NCAM2: variants seen among roughly 807,000 people sequenced by gnomAD.
NCAM2 encodes the protein neural cell adhesion molecule 2, also known as N-CAM-2.
In NCAM2, 30 loss-of-function variants were observed where a neutral mutation model predicts 98.1. The ratio of observed to expected loss-of-function variants is 0.31; its 90% CI spans 0.23 to 0.41. The LOEUF (loss-of-function observed/expected upper bound fraction) is 0.41, where lower values mean the gene tolerates loss of function less well. NCAM2 is among the 10% of genes least tolerant of loss of function. The pLI, the probability that NCAM2 is intolerant of heterozygous loss-of-function variation, is 1.00. For missense variants in NCAM2, 867 were observed against 1,005.8 expected (o/e 0.86, Z 1.87); for synonymous variants, 368 against 342.4 (o/e 1.07, Z -0.83).
chr21:21,403,618 T>C (rs767705957), intron 9 of NCAM2, among the ~76,000 whole-genome samples: 1 of 152,184 alleles, frequency 6.6e-6, no homozygotes, highest in African/African-American at 2.4e-5. Context: ...TTTTGAATTA[T>C]TAGTGTACAA....
intron 5 of NCAM2, among the ~76,000 whole-genome samples, chr21:21,303,030 C>T (rs1382457288): frequency 6.6e-6 from 1 of 151,922 alleles, no homozygotes; most frequent in Non-Finnish European, 1.5e-5. Context: ...TTTTCACTTG[C>T]AAGTAAGGGC....
intron 1 of NCAM2, among the ~76,000 whole-genome samples, chr21:21,106,324 A>AAAAAAAAAAAAAAAAAAAAAAAAAAC (rs1569029091): frequency 6.6e-6 from 1 of 150,942 alleles, no homozygotes; most frequent in African/African-American, 2.4e-5. Flanking sequence ...CAAAAAAAAA[A>AAAAAAAAAAAAAAAAAAAAAAAAAAC]AAAAAGGAAC....
intron 5 of NCAM2, among the ~76,000 whole-genome samples, chr21:21,312,158 A>G (rs2074074792): frequency 6.6e-6 from 1 of 152,076 alleles, no homozygotes; most frequent in Non-Finnish European, 1.5e-5. Flanking sequence ...GTTTTTCATC[A>G]TGATAAGGAA....
chr21:21,529,797 G>A (rs975695389), intron 16 of NCAM2, among the ~76,000 whole-genome samples: 4 of 151,286 alleles, frequency 2.6e-5, no homozygotes, highest in African/African-American at 7.3e-5. Flanking sequence ...TAGTATTAGT[G>A]TTTCTTTAAG....
At chr21:21,134,160 C>T (rs1302492575) in intron 1 of NCAM2, among the ~76,000 whole-genome samples, 2 of 151,836 alleles carry the variant, frequency 1.3e-5, no homozygotes, top group African/African-American at 4.8e-5. Context: ...CCTCCGCCTC[C>T]CGGGTCCAGG....
intron 1 of NCAM2, among the ~76,000 whole-genome samples, chr21:21,079,096 A>C (rs1004371494): frequency 2.0e-5 from 3 of 152,034 alleles, no homozygotes; most frequent in African/African-American, 7.2e-5. Flanking sequence ...AGGGCTTAAA[A>C]CCTCGCTGAA....
At chr21:21,258,535 C>G (rs904126539) in intron 1 of NCAM2, among the ~76,000 whole-genome samples, 2 of 152,140 alleles carry the variant, frequency 1.3e-5, no homozygotes, top group Non-Finnish European at 2.9e-5. Context: ...CTGCAACAAC[C>G]TGCTGACTGC....
At chr21:20,998,802 A>G (rs944931171) in intron 1 of NCAM2, among the ~76,000 whole-genome samples, 184 bp downstream of exon 1, 1 of 152,072 alleles carries the variant, frequency 6.6e-6, no homozygotes. Context: ...TTGTGTGGAG[A>G]CCCTTAAATA....
intron 1 of NCAM2, among the ~76,000 whole-genome samples, chr21:21,209,775 C>T (rs2069577901): frequency 6.6e-6 from 1 of 152,134 alleles, no homozygotes; most frequent in Non-Finnish European, 1.5e-5. Context: ...AGTAGTGTCC[C>T]TCAGAAAACT....
chr21:21,005,354 C>T (rs997772396), intron 1 of NCAM2, among the ~76,000 whole-genome samples: 12 of 151,418 alleles, frequency 7.9e-5, no homozygotes, highest in African/African-American at 9.7e-5. Context: ...AGGAACGTGC[C>T]GCATGAAGTT....
chr21:21,154,039 G>A (rs2067533212), intron 1 of NCAM2, among the ~76,000 whole-genome samples: 1 of 151,698 alleles, frequency 6.6e-6, no homozygotes, highest in Non-Finnish European at 1.5e-5. Flanking sequence ...TTAGAGAAGA[G>A]GTCATATTAT....
At chr21:21,396,990 A>G (rs77098643) in intron 9 of NCAM2, among the ~76,000 whole-genome samples, 3,146 of 152,250 alleles carry the variant, frequency 0.021, 97 homozygotes, top group African/African-American at 0.072. Context: ...TTCTTGTCTC[A>G]TGTCCAAGAA....
chr21:21,464,987 T>C lies in NCAM2; in HGVS notation c.1655-1619T>C, dbSNP rs1983488402. On this transcript the variant is annotated intron_variant, in intron 12 of 17. Coordinates refer to ENST00000400546, the MANE Select transcript of NCAM2 (RefSeq NM_004540.5). ...CCCTTAAATCTGAAATAATGTATTA[T>C]AATCTGAGGCTTCAATAAGGCAGTA... 7.9e-5 allele frequency among the ~76,000 whole-genome samples: 12 copies of C among 152,248 alleles called. No individual in the cohort carries two copies. In the South Asian group the frequency reaches 2.5e-3, roughly 32 times the overall value.
chr21:21,389,990 C>T (rs2076346447), intron 9 of NCAM2, among the ~76,000 whole-genome samples: 1 of 152,170 alleles, frequency 6.6e-6, no homozygotes, highest in South Asian at 2.1e-4. Context: ...GCTGGGACTA[C>T]AGTCACGTGC....
At position 21,527,936 on chromosome 21, in the gene NCAM2, G is replaced by A. The variant is rs561626447; in HGVS notation, c.2283-6601G>A. On this transcript the variant is annotated intron_variant, in intron 16 of 17. Transcript: ENST00000400546. ...CTTGTTTCATAACTGCCAAAACTTGGAAGCAATTAAAACATCCTTCAGTAG... is the reference window on the plus strand; with the variant it reads ...CTTGTTTCATAACTGCCAAAACTTGAAAGCAATTAAAACATCCTTCAGTAG... 2.0e-5 allele frequency among the ~76,000 whole-genome samples: 3 copies of A among 152,314 alleles called. No individual in the cohort carries two copies. In the East Asian group the frequency reaches 5.8e-4, roughly 29 times the overall value.
intron 1 of NCAM2, among the ~76,000 whole-genome samples, chr21:21,182,042 A>C (rs1055802329): frequency 6.6e-6 from 1 of 151,854 alleles, no homozygotes; most frequent in South Asian, 2.1e-4. Flanking sequence ...AAAAAAAAAA[A>C]AACAAATAAA....
At chr21:21,517,818 G>A (rs1316122901) in intron 16 of NCAM2, among the ~76,000 whole-genome samples, 1 of 151,968 alleles carries the variant, frequency 6.6e-6, no homozygotes, top group Non-Finnish European at 1.5e-5. Context: ...CTCCAGCCTG[G>A]GCTACAGAGC....
intron 12 of NCAM2, among the ~76,000 whole-genome samples, chr21:21,463,103 T>C (rs909356078): frequency 6.6e-6 from 1 of 152,134 alleles, no homozygotes; most frequent in Non-Finnish European, 1.5e-5. Context: ...AACTCTATTA[T>C]TGAGTACACA....
intron 1 of NCAM2, among the ~76,000 whole-genome samples, chr21:21,144,959 C>T (rs2826704): frequency 0.42 from 64,181 of 151,850 alleles, 13,893 homozygotes; most frequent in African/African-American, 0.51. Context: ...ATATAGGACG[C>T]TGAAAGAAAT....
Sources: allele counts gnomAD v4.1 joint callset (sites outside exome capture counted in the v4.1 genomes callset), GRCh38; gene constraint gnomAD v4.1.1; transcripts MANE v1.5; gene names NCBI Gene and HGNC (gene_info 2026-07-23, HGNC 2026-07-21).